The following RPS6KA2 variants were observed in gnomAD, a reference collection of about 807,000 sequenced individuals.
The protein encoded by RPS6KA2 is ribosomal protein S6 kinase alpha-2.
Under a neutral mutation model 91.8 loss-of-function variants are expected in RPS6KA2, and 42 were observed. The observed-to-expected ratio is 0.46, with a 90% CI of 0.36 to 0.59. The LOEUF (loss-of-function observed/expected upper bound fraction) is 0.59, where lower values mean the gene tolerates loss of function less well. RPS6KA2 is among the 20% of genes least tolerant of loss of function. The probability of loss-of-function intolerance (pLI) is 0.00; values close to 1 mark genes in which losing one functional copy is unlikely to be tolerated. For synonymous variants in RPS6KA2, 414 were observed against 393.6 expected (o/e 1.05, Z -0.61); for missense variants, 798 against 978.5 (o/e 0.82, Z 2.46).
intron 14 of RPS6KA2, among the ~76,000 whole-genome samples, chr6:166,446,101 G>C (rs1440214280): frequency 6.6e-6 from 1 of 152,232 alleles, no homozygotes; most frequent in Non-Finnish European, 1.5e-5. Context: ...GGTCAAAGCA[G>C]TTTTGGTAAC....
rs964118268 is a variant in RPS6KA2, at chr6:166,732,324, C to T, written c.123+125876G>A. Among the ~76,000 whole-genome samples the T allele has an allele frequency of 6.6e-6, 1 of 152,158 alleles. No homozygotes were observed. Among genetic ancestry groups the T allele is most frequent in the Non-Finnish European group, 1.5e-5 (1 of 68,028 alleles). On this transcript the variant is annotated intron_variant, in intron 2 of 21. Transcript: ENST00000503859. The surrounding 1 kb of genome is among the most constrained non-coding windows in gnomAD (Gnocchi z 4.0). Reference sequence around the variant, plus strand: ...TCTTTCCATTGGGATGAAGCATTCTCAGAAATATCTCAGAAAAGTCCACCA... The same window carrying T: ...TCTTTCCATTGGGATGAAGCATTCTTAGAAATATCTCAGAAAAGTCCACCA...
rs1583200348 is a variant in RPS6KA2, at chr6:166,490,816, G to A, written c.748-75C>T. 1 of 1,100,230 alleles carries A rather than the reference G, an allele frequency of 9.1e-7. No individual in the cohort carries two copies. Among genetic ancestry groups the A allele is most frequent in the South Asian group, 1.3e-5 (1 of 75,588 alleles). The allele number at this position is 1,100,230 out of a possible 1,614,324, so 68.2% of individuals were successfully genotyped here. A position where few individuals can be genotyped will look rare whatever the true frequency, so the allele number is the denominator to read the frequency against. ...GCTTCACGGCAGAGTACCCCAGCAG[G>A]GCAGCCTGCTACCGTGTCCATTTCC... On this transcript the variant is annotated intron_variant, in intron 8 of 20. Coordinates refer to ENST00000265678, the MANE Select transcript of RPS6KA2 (RefSeq NM_021135.6). This position sits in a 1 kb window ranked among gnomAD's most constrained non-coding sequence, Gnocchi z 4.2.
chr6:166,482,586 C>T (rs919319832), intron 10 of RPS6KA2, among the ~76,000 whole-genome samples: 7 of 152,196 alleles, frequency 4.6e-5, no homozygotes, highest in Non-Finnish European at 8.8e-5. Context: ...TCAGTTAACG[C>T]CTAGAGGCCT....
chr6:166,523,548 G>A lies in RPS6KA2; in HGVS notation c.298+7684C>T, dbSNP rs182661232. On this transcript the variant is annotated intron_variant, in intron 3 of 20. Coordinates refer to ENST00000265678, the MANE Select transcript of RPS6KA2 (RefSeq NM_021135.6). ...GCCTTGTGCCTTAGTTTCATCATTC[G>A]TAAATAAAGATGATGATTTATAAAA... 4.6e-5 allele frequency among the ~76,000 whole-genome samples: 7 copies of A among 152,118 alleles called. No individual in the cohort carries two copies. In the East Asian group the frequency reaches 5.8e-4, roughly 13 times the overall value.
intron 2 of RPS6KA2, among the ~76,000 whole-genome samples, chr6:166,847,913 G>C (rs1319787014): frequency 3.6e-5 from 5 of 140,592 alleles, no homozygotes; most frequent in Non-Finnish European, 6.1e-5. Context: ...AAATAGATGG[G>C]ACTTAATTAA....
At chr6:166,587,388 A>G (rs1785211844) in intron 1 of RPS6KA2, among the ~76,000 whole-genome samples, 1 of 152,148 alleles carries the variant, frequency 6.6e-6, no homozygotes, top group Admixed American at 6.5e-5. Context: ...CGTCACTCTA[A>G]TTGTGTGGCA....
At chr6:166,763,605 T>C (rs77262677) in intron 2 of RPS6KA2, among the ~76,000 whole-genome samples, 4,878 of 152,336 alleles carry the variant, frequency 0.032, 201 homozygotes, top group African/African-American at 0.083. Flanking sequence ...GAAGGGAACC[T>C]TGGATTTCCT....
chr6:166,436,897 C>T (rs1056117085), intron 14 of RPS6KA2, among the ~76,000 whole-genome samples: 1 of 152,140 alleles, frequency 6.6e-6, no homozygotes, highest in Non-Finnish European at 1.5e-5. Flanking sequence ...CTTCCCCTGA[C>T]CCGGGAGAAT....
intron 2 of RPS6KA2, among the ~76,000 whole-genome samples, chr6:166,734,665 GC>G (rs150783410): frequency 0.37 from 55,607 of 151,708 alleles, 14,509 homozygotes; most frequent in African/African-American, 0.75. Flanking sequence ...GTCACTGGGG[GC>G]GTGCTGATTT....
upstream of RPS6KA2, among the ~76,000 whole-genome samples, chr6:166,631,636 T>G (rs998082070): frequency 6.6e-6 from 1 of 152,260 alleles, no homozygotes; most frequent in Non-Finnish European, 1.5e-5. Flanking sequence ...TAACACAGAT[T>G]TTTTTTCGTC....
intron 2 of RPS6KA2, among the ~76,000 whole-genome samples, chr6:166,537,143 C>T (rs745884515): frequency 2.6e-5 from 4 of 152,364 alleles, no homozygotes; most frequent in Admixed American, 6.5e-5. Context: ...TGTATTCCAG[C>T]GCTCCTTCCC....
In RPS6KA2 at chr6:166,500,463, G is replaced by T. The variant is rs940681890; in HGVS notation, c.604+424C>A. Among the ~76,000 whole-genome samples the T allele has an allele frequency of 6.6e-6, 1 of 152,200 alleles. No homozygotes were observed. Among genetic ancestry groups the T allele is most frequent in the Non-Finnish European group, 1.5e-5 (1 of 68,034 alleles). ...GGAGGCAGGGACAGCATCAGTGAGG[G>T]CAGCAGTGCAGGCCGCACTCCAGCG... On this transcript the variant is annotated intron_variant, in intron 7 of 20. Transcript: ENST00000265678. The surrounding 1 kb of genome is among the most constrained non-coding windows in gnomAD (Gnocchi z 4.3).
In RPS6KA2 at chr6:166,448,187, A is replaced by C. The variant is rs1254457589; in HGVS notation, c.1332+537T>G. On this transcript the variant is annotated intron_variant, in intron 14 of 20. Coordinates refer to ENST00000265678, the MANE Select transcript of RPS6KA2 (RefSeq NM_021135.6). The surrounding 1 kb of genome is among the most constrained non-coding windows in gnomAD (Gnocchi z 4.7). ...GAGTAAAACCATTAGCTCTCTGCCA[A>C]AGTTTGTTGTAAGTAATACAAGCTT... Among the ~76,000 whole-genome samples the C allele has an allele frequency of 6.6e-6, 1 of 152,174 alleles. No individual in the cohort carries two copies. Among genetic ancestry groups the C allele is most frequent in the Non-Finnish European group, 1.5e-5 (1 of 68,038 alleles).
At position 166,418,027 on chromosome 6, in the gene RPS6KA2, G is replaced by A. The variant is rs1002892701; in HGVS notation, c.1938+198C>T. On this transcript the variant is annotated intron_variant, in intron 19 of 20. Transcript: ENST00000265678. This position sits in a 1 kb window ranked among gnomAD's most constrained non-coding sequence, Gnocchi z 4.9. ...TACTTGAACCCAGGAGGCAGAGGCT[G>A]CAGTGAGCCAAGATTGTGCCACTGC... 6.6e-6 allele frequency among the ~76,000 whole-genome samples: 1 copy of A among 152,012 alleles called. No individual in the cohort carries two copies. Among genetic ancestry groups the A allele is most frequent in the Non-Finnish European group, 1.5e-5 (1 of 67,998 alleles).
chr6:166,459,548 G>C lies in RPS6KA2; in HGVS notation c.976C>G (p.Leu326Val). The change falls in exon 12 of 21, where the codon CTG becomes GTG. Residue 326 changes from leucine (L) to valine (V), a missense_variant. Transcript: ENST00000265678. This position sits in a 1 kb window ranked among gnomAD's most constrained non-coding sequence, Gnocchi z 4.9. Reference protein sequence around the residue: ...PFFVTIDWNTLYRKEIKPPFK... With the variant: ...PFFVTIDWNTVYRKEIKPPFK... ...GGTGGCTTGATCTCCTTCCGGTACA[G>C]CGTCTATTAATACAAGGAAAGCAAG... 6.2e-7 allele frequency: 1 copy of C among 1,611,876 alleles called. No individual in the cohort carries two copies. The highest frequency in any genetic ancestry group is 8.5e-7 in the Non-Finnish European group (1 of 1,178,144).
At chr6:166,749,836 G>A (rs765223723) in intron 2 of RPS6KA2, among the ~76,000 whole-genome samples, 53 of 140,054 alleles carry the variant, frequency 3.8e-4, no homozygotes, top group African/African-American at 8.9e-4. Flanking sequence ...GAGCTGCAGC[G>A]GGAGCCTGGC....
intron 2 of RPS6KA2, among the ~76,000 whole-genome samples, chr6:166,766,008 G>A (rs1461668643): frequency 6.6e-6 from 1 of 152,212 alleles, no homozygotes; most frequent in Admixed American, 6.5e-5. Context: ...CTGTGATTAC[G>A]ATATGAGAAA....
At chr6:166,702,020 T>C in intron 2 of RPS6KA2, 1 of 1,051,502 alleles carries the variant, frequency 9.5e-7, no homozygotes, top group Non-Finnish European at 1.5e-6. Flanking sequence ...GAATTTTACA[T>C]CTTGAGTTTC....
intron 2 of RPS6KA2, among the ~76,000 whole-genome samples, chr6:166,664,193 C>T (rs938386059): frequency 1.3e-5 from 2 of 152,246 alleles, no homozygotes; most frequent in African/African-American, 4.8e-5. Context: ...GAGACCATAA[C>T]AAACATTACC....
Sources: allele counts gnomAD v4.1 joint callset (sites outside exome capture counted in the v4.1 genomes callset), GRCh38; gene constraint gnomAD v4.1.1; non-coding constraint Gnocchi (gnomAD v3.1); transcripts MANE v1.5; gene names NCBI Gene and HGNC (gene_info 2026-07-23, HGNC 2026-07-21).